SRRM4: variants seen among roughly 807,000 people sequenced by gnomAD.
SRRM4 encodes serine/arginine repetitive matrix protein 4.
SRRM4 carries 33 observed loss-of-function variants against 68.9 expected under a neutral mutation model. The observed-to-expected ratio is 0.48, with a 90% CI of 0.36 to 0.64. The LOEUF is 0.64. Among genes scored for constraint, SRRM4 ranks in the 30% least tolerant of loss-of-function variants. SRRM4 has a pLI of 0.00. For missense variants in SRRM4, 817 were observed against 827.1 expected (o/e 0.99, Z 0.15); for synonymous variants, 318 against 318.8 (o/e 1.00, Z 0.03).
At chr12:119,156,383 T>C in intron 12 of SRRM4, 112 bp from the exon 13 acceptor site, 2 of 1,442,468 alleles carry the variant, frequency 1.4e-6, no homozygotes, top group South Asian at 3.0e-5. Context: ...TATTTTTTCC[T>C]AAGGGACTGG....
chr12:119,106,346 A>G (rs28875796), intron 2 of SRRM4, among the ~76,000 whole-genome samples: 11,699 of 152,180 alleles, frequency 0.077, 495 homozygotes, highest in Admixed American at 0.1. Flanking sequence ...TTCTGTGGAA[A>G]AAGTCATTGG....
At chr12:119,072,385 G>T (rs1351125246) in intron 1 of SRRM4, among the ~76,000 whole-genome samples, 1 of 152,122 alleles carries the variant, frequency 6.6e-6, no homozygotes, top group African/African-American at 2.4e-5. Flanking sequence ...TCCCCAGGCA[G>T]CCATTTGCCC....
At chr12:119,084,406 C>T (rs956489321) in intron 1 of SRRM4, among the ~76,000 whole-genome samples, 12 of 152,182 alleles carry the variant, frequency 7.9e-5, no homozygotes, top group African/African-American at 2.2e-4. Flanking sequence ...GCATCCTCTG[C>T]GGAAACCCAT....
intron 1 of SRRM4, among the ~76,000 whole-genome samples, chr12:119,025,722 G>A (rs1401239731): frequency 1.3e-5 from 2 of 152,078 alleles, no homozygotes; most frequent in Non-Finnish European, 2.9e-5. Context: ...GGGATCACAG[G>A]CATGAGCCAC....
rs773482234 is a variant in SRRM4, at chr12:119,154,403, G to T, written c.1532+20G>T. 6.2e-7 allele frequency: 1 copy of T among 1,610,356 alleles called. No individual in the cohort carries two copies. The highest frequency in any genetic ancestry group is 2.2e-5 in the East Asian group (1 of 44,774). On this transcript the variant is annotated intron_variant, in intron 12 of 12. Transcript: ENST00000267260. This position sits in a 1 kb window ranked among gnomAD's most constrained non-coding sequence, Gnocchi z 4.7. ...AACCAGGTGAGGCCAGGGGGCAAGG[G>T]GGACCCACCTTCATCCTCGTTCCCA...
At chr12:119,106,632 A>C (rs1307528955) in intron 2 of SRRM4, among the ~76,000 whole-genome samples, 10 of 152,146 alleles carry the variant, frequency 6.6e-5, no homozygotes, top group Non-Finnish European at 1.3e-4. Context: ...GTGTATAGGA[A>C]TGCTTGTGAT....
At chr12:119,066,417 G>C (rs1476081814) in intron 1 of SRRM4, among the ~76,000 whole-genome samples, 5 of 152,204 alleles carry the variant, frequency 3.3e-5, no homozygotes, top group Non-Finnish European at 1.5e-5. Context: ...GTTGCAAATT[G>C]AGTATGTTTT....
At chr12:119,022,616 T>C (rs1451528308) in intron 1 of SRRM4, among the ~76,000 whole-genome samples, 2 of 152,216 alleles carry the variant, frequency 1.3e-5, no homozygotes, top group African/African-American at 4.8e-5. Context: ...TCTAGTCATA[T>C]ATTATCTAAC....
chr12:119,005,797 T>C (rs1340498697), intron 1 of SRRM4, among the ~76,000 whole-genome samples: 2 of 152,238 alleles, frequency 1.3e-5, no homozygotes, highest in Non-Finnish European at 2.9e-5. Context: ...TGTCATCATT[T>C]CAAGGTCTCG....
At chr12:119,075,944 ATGG>A (rs1953912179) in intron 1 of SRRM4, among the ~76,000 whole-genome samples, 1 of 141,850 alleles carries the variant, frequency 7.0e-6, no homozygotes, top group Admixed American at 6.9e-5. Context: ...GGTGATGATG[ATGG>A]TGGTAATGAT....
chr12:119,131,226 A>G (rs898163460), intron 8 of SRRM4, among the ~76,000 whole-genome samples: 9 of 152,240 alleles, frequency 5.9e-5, no homozygotes, highest in Admixed American at 5.9e-4. Context: ...CAGCTTTTAC[A>G]TGAAGTCTGC....
intron 1 of SRRM4, among the ~76,000 whole-genome samples, chr12:119,025,677 C>CAGGTG (rs1188794294): frequency 6.6e-6 from 1 of 151,978 alleles, no homozygotes; most frequent in Non-Finnish European, 1.5e-5. Context: ...CTCCCGACCT[C>CAGGTG]AGGTGATCCA....
chr12:119,085,277 C>T (rs1323268615), intron 1 of SRRM4, among the ~76,000 whole-genome samples: 1 of 152,220 alleles, frequency 6.6e-6, no homozygotes, highest in African/African-American at 2.4e-5. Flanking sequence ...CATATTTTCA[C>T]CATTAATCCT....
At chr12:119,150,063 T>C (rs1278671940) in intron 9 of SRRM4, among the ~76,000 whole-genome samples, 1 of 152,204 alleles carries the variant, frequency 6.6e-6, no homozygotes, top group Non-Finnish European at 1.5e-5. Flanking sequence ...CAACAGGTCA[T>C]CTTGATTTTT....
intron 1 of SRRM4, among the ~76,000 whole-genome samples, chr12:118,985,700 A>G (rs1953277914): frequency 1.3e-5 from 2 of 152,180 alleles, no homozygotes; most frequent in South Asian, 2.1e-4. Flanking sequence ...TTTGCCTGGC[A>G]TTAACTTAAT....
At chr12:119,074,806 A>G (rs745834376) in intron 1 of SRRM4, among the ~76,000 whole-genome samples, 1 of 152,210 alleles carries the variant, frequency 6.6e-6, no homozygotes, top group African/African-American at 2.4e-5. Context: ...GCCCTATGCA[A>G]CCCTAAAAAT....
At chr12:119,136,810 G>C (rs1360050800) in intron 8 of SRRM4, among the ~76,000 whole-genome samples, 2 of 152,134 alleles carry the variant, frequency 1.3e-5, no homozygotes, top group East Asian at 3.9e-4. Flanking sequence ...GCCTGAAGCT[G>C]TCATTCCCTC....
chr12:119,126,663 CTTG>C (rs1954263258), intron 7 of SRRM4, among the ~76,000 whole-genome samples: 1 of 152,144 alleles, frequency 6.6e-6, no homozygotes, highest in Non-Finnish European at 1.5e-5. Flanking sequence ...GAGAAGGCAT[CTTG>C]TTGATGAGAA....
At chr12:119,124,049 G>C (rs973415381) in intron 6 of SRRM4, among the ~76,000 whole-genome samples, 3 of 152,180 alleles carry the variant, frequency 2.0e-5, no homozygotes, top group African/African-American at 7.2e-5. Flanking sequence ...AACTCTCTGT[G>C]CCTCAGTTTC....
Sources: gnomAD v4.1 joint callset for allele counts (sites outside exome capture counted in the v4.1 genomes callset) on GRCh38, gnomAD v4.1.1 for gene constraint, Gnocchi (gnomAD v3.1) non-coding constraint, MANE v1.5 for transcripts, NCBI Gene and HGNC (gene_info 2026-07-23, HGNC 2026-07-21) for gene names.